The following OPCML variants were observed in gnomAD, a reference collection of about 807,000 sequenced individuals.
OPCML encodes opioid binding protein/cell adhesion molecule like.
Under a neutral mutation model 37.8 loss-of-function variants are expected in OPCML, and 13 were observed. The ratio of observed to expected loss-of-function variants is 0.34; its 90% CI spans 0.22 to 0.55. The LOEUF (loss-of-function observed/expected upper bound fraction) is 0.55. Among genes scored for constraint, OPCML ranks in the 20% least tolerant of loss-of-function variants. The probability of loss-of-function intolerance (pLI) is 0.91; values close to 1 mark genes in which losing one functional copy is unlikely to be tolerated. For missense variants in OPCML, 341 were observed against 435.6 expected, an observed-to-expected ratio of 0.78 and a Z score of 1.93; for synonymous variants, 176 against 168.8, an observed-to-expected ratio of 1.04 and a Z score of -0.33.
chr11:132,515,558 C>T (rs532541184), intron 4 of OPCML, among the ~76,000 whole-genome samples: 5 of 152,314 alleles, frequency 3.3e-5, no homozygotes, highest in African/African-American at 1.2e-4. Flanking sequence ...CATGAGATCA[C>T]CTCCTCTTGA....
chr11:132,918,558 G>T (rs1944684559), intron 2 of OPCML, among the ~76,000 whole-genome samples: 1 of 152,124 alleles, frequency 6.6e-6, no homozygotes, highest in African/African-American at 2.4e-5. Flanking sequence ...AAAAGCAGGG[G>T]TCTTTGATTT....
chr11:133,009,165 C>T, intron 1 of OPCML: 1 of 985,296 alleles, frequency 1.0e-6, no homozygotes, highest in Non-Finnish European at 1.2e-6. Context: ...ACTCTTTGTC[C>T]TTTCAAGAAA....
At chr11:133,331,928 T>C (rs746291003) in intron 1 of OPCML, among the ~76,000 whole-genome samples, 1 of 152,084 alleles carries the variant, frequency 6.6e-6, no homozygotes, top group Non-Finnish European at 1.5e-5. Context: ...CTTTTTTGGT[T>C]CCATATAAAT....
At chr11:133,054,754 A>G (rs1028387279) in intron 1 of OPCML, among the ~76,000 whole-genome samples, 11 of 152,240 alleles carry the variant, frequency 7.2e-5, no homozygotes, top group African/African-American at 2.7e-4. Flanking sequence ...GTTGAGAAAC[A>G]TACTTCCAAG....
At chr11:133,192,346 G>T (rs905320271) in intron 1 of OPCML, among the ~76,000 whole-genome samples, 1 of 152,028 alleles carries the variant, frequency 6.6e-6, no homozygotes, top group Admixed American at 6.6e-5. Flanking sequence ...CCCAGTGTAG[G>T]TCATAATATA....
intron 1 of OPCML, among the ~76,000 whole-genome samples, chr11:133,140,590 G>GAAGAAA (rs1949764501): frequency 7.7e-6 from 1 of 129,396 alleles, no homozygotes; most frequent in Non-Finnish European, 1.7e-5. Flanking sequence ...GAAGAAAAAA[G>GAAGAAA]AAAGAAGAAA....
intron 7 of OPCML, among the ~76,000 whole-genome samples, chr11:132,430,175 A>G (rs2095991792): frequency 6.6e-6 from 1 of 152,202 alleles, no homozygotes; most frequent in Non-Finnish European, 1.5e-5. Flanking sequence ...TGGAGGTCGC[A>G]CTGAAGAGAA....
intron 1 of OPCML, among the ~76,000 whole-genome samples, chr11:133,088,842 ATAAG>A (rs1948859208): frequency 6.6e-6 from 1 of 152,224 alleles, no homozygotes; most frequent in African/African-American, 2.4e-5. Flanking sequence ...AACGGGGAGA[ATAAG>A]TAATCATGTC....
rs147606175 is a variant in OPCML at position 133,509,562 on chromosome 11, C to A, written c.61+22702G>T. ...GTGGCAATGCTGTTCCATACTCACT[C>A]TGAGATTGTCTTGAAAATCCTCTCA... On this transcript the variant is annotated intron_variant, in intron 1 of 7. Transcript: ENST00000524381. Among the ~76,000 whole-genome samples, 358 of 152,312 alleles carry A rather than the reference C, an allele frequency of 2.4e-3. 2 individuals carry two copies. The highest frequency in any genetic ancestry group is 8.1e-3 in the African/African-American group (338 of 41,572).
intron 2 of OPCML, among the ~76,000 whole-genome samples, chr11:132,909,996 T>A (rs563007752): frequency 6.6e-6 from 1 of 152,356 alleles, no homozygotes; most frequent in South Asian, 2.1e-4. Flanking sequence ...TTTTTAACCA[T>A]CACTGTGTGG....
chr11:133,325,147 C>T (rs541440760), intron 1 of OPCML, among the ~76,000 whole-genome samples: 3 of 152,214 alleles, frequency 2.0e-5, no homozygotes, highest in Admixed American at 6.5e-5. Context: ...TCACTAGACT[C>T]CCTTCCTAAT....
chr11:132,792,442 G>C (rs750662413), intron 2 of OPCML, among the ~76,000 whole-genome samples: 2 of 152,180 alleles, frequency 1.3e-5, no homozygotes, highest in Non-Finnish European at 2.9e-5. Flanking sequence ...AAAGTGTAAA[G>C]ACTAAAGTAA....
chr11:133,515,357 G>A (rs1948243651), intron 1 of OPCML, among the ~76,000 whole-genome samples: 1 of 152,216 alleles, frequency 6.6e-6, no homozygotes, highest in Admixed American at 6.5e-5. Context: ...TGTGTCTAGA[G>A]ACATCTTGGG....
At chr11:132,424,229 C>A (rs2095970196) in intron 7 of OPCML, among the ~76,000 whole-genome samples, 1 of 151,952 alleles carries the variant, frequency 6.6e-6, no homozygotes, top group Non-Finnish European at 1.5e-5. Context: ...ACGCCGTTCT[C>A]CTGCCTCATC....
intron 2 of OPCML, among the ~76,000 whole-genome samples, chr11:132,914,048 G>C (rs1411560217): frequency 1.3e-5 from 2 of 152,190 alleles, no homozygotes; most frequent in Non-Finnish European, 2.9e-5. Flanking sequence ...AAAGCCAGAG[G>C]CCATATAATC....
chr11:132,631,552 C>G (rs1414350210), intron 3 of OPCML, among the ~76,000 whole-genome samples: 1 of 150,948 alleles, frequency 6.6e-6, no homozygotes, highest in East Asian at 1.9e-4. Context: ...CTCCGCCTCC[C>G]GGGTTCACGC....
At chr11:133,140,823 AGACGACGACGAAGAAGACGAC>A (rs1949779331) in intron 1 of OPCML, among the ~76,000 whole-genome samples, 1 of 31,696 alleles carries the variant, frequency 3.2e-5, no homozygotes, top group African/African-American at 6.8e-5. Context: ...ACGAAGAAGA[AGACGACGACGAAGAAGACGAC>A]GACGACGACG....
intron 1 of OPCML, among the ~76,000 whole-genome samples, chr11:133,011,498 T>A (rs1016496429): frequency 6.6e-6 from 1 of 152,150 alleles, no homozygotes; most frequent in Non-Finnish European, 1.5e-5. Context: ...TTACCCAGAG[T>A]TGACATGCTA....
intron 1 of OPCML, among the ~76,000 whole-genome samples, chr11:133,256,508 A>G (rs1847069383): frequency 6.6e-6 from 1 of 152,240 alleles, no homozygotes; most frequent in Admixed American, 6.5e-5. Context: ...GAGAAAAAAC[A>G]CTGTAGACTA....
Sources: allele counts gnomAD v4.1 joint callset (sites outside exome capture counted in the v4.1 genomes callset), GRCh38; gene constraint gnomAD v4.1.1; transcripts MANE v1.5; gene names NCBI Gene and HGNC (gene_info 2026-07-23, HGNC 2026-07-21).